PCNA: variants seen among roughly 807,000 people sequenced by gnomAD.
PCNA encodes proliferating cell nuclear antigen, also known as DNA sliding clamp PCNA.
PCNA carries 4 observed loss-of-function variants against 27.8 expected under a neutral mutation model. The observed-to-expected ratio is 0.14, with a 90% CI of 0.07 to 0.33. The LOEUF is 0.33. Ranked by LOEUF, PCNA falls within the 10% of genes least tolerant of loss-of-function variation. The pLI is 1.00. For missense variants in PCNA, 165 were observed against 327.4 expected (o/e 0.50, Z 3.83); for synonymous variants, 121 against 119.4 (o/e 1.01, Z -0.09).
intron 3 of PCNA, 118 bp from the exon 4 acceptor site, chr20:5,117,782 A>G: frequency 3.3e-6 from 2 of 604,192 alleles, no homozygotes; most frequent in Non-Finnish European, 5.8e-6. Context: ...TGATTACTTT[A>G]AAATATGACT....
chr20:5,119,966 C>G (rs2090507488), upstream of PCNA: 1 of 612,738 alleles, frequency 1.6e-6, no homozygotes, highest in African/African-American at 1.8e-5. Flanking sequence ...AATGCCGCCG[C>G]GTCCGCAAGC....
chr20:5,115,227 A>C lies in PCNA; in HGVS notation c.*56T>G. The C allele has an allele frequency of 7.5e-7, 1 of 1,335,946 alleles. No homozygotes were observed. The highest frequency in any genetic ancestry group is 1.1e-6 in the Non-Finnish European group (1 of 931,828). 82.8% of individuals were successfully genotyped at this position (1,335,946 alleles called of 1,614,324 possible). ...AGAAAAGACTTCAGTATATGCTGGC[A>C]TCTTAGAAGCAGTTCTCAAAGAGCT... On this transcript the variant is annotated 3_prime_UTR_variant, in exon 6 of 6. Transcript: ENST00000379143.
upstream of PCNA, chr20:5,121,611 G>C (rs1359861149): frequency 6.6e-6 from 1 of 151,976 alleles, no homozygotes; most frequent in Non-Finnish European, 1.5e-5. Flanking sequence ...GCACAAGCAA[G>C]AAAACTGTCA....
Position 5,119,856 on chromosome 20 carries a change from G to T in PCNA, c.-58C>A. 1 of 1,409,954 alleles carries T rather than the reference G, an allele frequency of 7.1e-7. No individual in the cohort carries two copies. The allele number at this position is 1,409,954 out of a possible 1,614,324, so 87.3% of individuals were successfully genotyped here. ...AGGCGGGAAGGAGGAAAGTCTAGCTGGTTTCGGCTTCAGGAGCCTCAGAGC... is the reference window on the plus strand; with the variant it reads ...AGGCGGGAAGGAGGAAAGTCTAGCTTGTTTCGGCTTCAGGAGCCTCAGAGC... On this transcript the variant is annotated 5_prime_UTR_variant, in exon 1 of 6. Coordinates refer to ENST00000379143, the MANE Select transcript of PCNA (RefSeq NM_182649.2).
At chr20:5,121,785 C>T (rs576693932), upstream of PCNA, among the ~76,000 whole-genome samples, 25 of 151,786 alleles carry the variant, frequency 1.6e-4, no homozygotes, top group Middle Eastern at 3.4e-3. Flanking sequence ...ACCACTGTAC[C>T]TGGCTAATTT....
chr20:5,121,438 T>C (rs1243321881), upstream of PCNA: 2 of 149,292 alleles, frequency 1.3e-5, no homozygotes, highest in Admixed American at 1.3e-4. Flanking sequence ...CATACAAGGT[T>C]CTAAGATGAG....
chr20:5,120,486 T>C (rs1304100773), upstream of PCNA, among the ~76,000 whole-genome samples: 1 of 152,214 alleles, frequency 6.6e-6, no homozygotes, highest in Non-Finnish European at 1.5e-5. Flanking sequence ...CGCCAGCTCT[T>C]ATAATCACTC....
Position 5,118,572 on chromosome 20 carries a change from G to A in PCNA, c.387+38C>T, listed in dbSNP as rs778089296. The stretch of plus-strand genomic sequence containing the variant: ...ATTCTATGACATAACTATCGTGCCT[G>A]TGTACAGCACTCTCTACAATGAGAA... On this transcript the variant is annotated intron_variant, in intron 3 of 5. Transcript: ENST00000379143. 18 of 1,360,746 alleles carry A rather than the reference G, an allele frequency of 1.3e-5. 1 individual carries two copies. The highest frequency in any genetic ancestry group is 1.0e-4 in the Admixed American group (6 of 58,934). The allele number at this position is 1,360,746 out of a possible 1,614,324, so 84.3% of individuals were successfully genotyped here.
upstream of PCNA, among the ~76,000 whole-genome samples, chr20:5,122,835 G>A (rs1236350203): frequency 6.6e-6 from 1 of 152,186 alleles, no homozygotes; most frequent in Non-Finnish European, 1.5e-5. Flanking sequence ...CATTTTAAAT[G>A]ACAAACTCTA....
upstream of PCNA, among the ~76,000 whole-genome samples, chr20:5,124,578 C>T (rs186310342): frequency 1.5e-3 from 227 of 149,918 alleles, 2 homozygotes; most frequent in African/African-American, 5.4e-3. Context: ...TGCAGTGAGC[C>T]GAGATCACAC....
chr20:5,118,784 C>T lies in PCNA; in HGVS notation c.304G>A (p.Val102Ile), dbSNP rs757200275. 2.4e-5 allele frequency: 38 copies of T among 1,613,410 alleles called. No homozygotes were observed. The highest frequency in any genetic ancestry group is 2.3e-4 in the Admixed American group (14 of 60,000). Residue 102 changes from valine to isoleucine, a missense_variant, in exon 2 of 6, where the codon GTA becomes ATA. Val to Ile is a conservative substitution (Grantham distance 29, BLOSUM62 3). Coordinates refer to ENST00000379143, the MANE Select transcript of PCNA (RefSeq NM_182649.2). ...AEDNADTLALVFEAPNQEKVS... is the reference protein window; with the variant it reads ...AEDNADTLALIFEAPNQEKVS... The stretch of plus-strand genomic sequence containing the variant: ...TACGACTTACTTGGTGCTTCAAATA[C>T]TAGCGCCAAGGTATCCGCGTTATCT...
chr20:5,116,977 T>C (rs908835786), intron 4 of PCNA, among the ~76,000 whole-genome samples: 2 of 152,202 alleles, frequency 1.3e-5, no homozygotes, highest in Non-Finnish European at 2.9e-5. Flanking sequence ...AGCCTGTGAC[T>C]TTGGCTAAAT....
upstream of PCNA, among the ~76,000 whole-genome samples, chr20:5,122,278 G>A (rs1050758084): frequency 3.3e-5 from 5 of 151,952 alleles, no homozygotes; most frequent in African/African-American, 4.8e-5. Context: ...CACCGCGCCC[G>A]GGTCTATTTT....
chr20:5,119,865 T>G lies in PCNA; in HGVS notation c.-67A>C, dbSNP rs536952060. The G allele has an allele frequency of 4.6e-4, 600 of 1,302,556 alleles. 8 individuals carry two copies. In the South Asian group the frequency reaches 7.3e-3, roughly 16 times the overall value. The allele number at this position is 1,302,556 out of a possible 1,614,324, so 80.7% of individuals were successfully genotyped here. Reference sequence around the variant, plus strand: ...GGAGGAAAGTCTAGCTGGTTTCGGCTTCAGGAGCCTCAGAGCGAGCGGGCG... The same window carrying G: ...GGAGGAAAGTCTAGCTGGTTTCGGCGTCAGGAGCCTCAGAGCGAGCGGGCG... On this transcript the variant is annotated 5_prime_UTR_variant, in exon 1 of 6. Coordinates refer to ENST00000379143, the MANE Select transcript of PCNA (RefSeq NM_182649.2).
At chr20:5,123,917 A>G (rs2090531135), upstream of PCNA, among the ~76,000 whole-genome samples, 1 of 152,218 alleles carries the variant, frequency 6.6e-6, no homozygotes, top group South Asian at 2.1e-4. Context: ...ATTGGTTAGT[A>G]TAGTTTAGGT....
intron 1 of PCNA, 88 bp downstream of exon 1, chr20:5,119,490 C>G: frequency 9.3e-7 from 1 of 1,070,930 alleles, no homozygotes; most frequent in Non-Finnish European, 1.3e-6. Flanking sequence ...CCCACGCCAG[C>G]CAATGAGGGC....
At chr20:5,123,556 G>A (rs1374163266), upstream of PCNA, among the ~76,000 whole-genome samples, 3 of 151,986 alleles carry the variant, frequency 2.0e-5, no homozygotes, top group African/African-American at 4.8e-5. Flanking sequence ...TTAGCTGGGC[G>A]TGGTGGTGCA....
At chr20:5,124,384 C>T (rs899444140), upstream of PCNA, among the ~76,000 whole-genome samples, 1 of 152,018 alleles carries the variant, frequency 6.6e-6, no homozygotes, top group African/African-American at 2.4e-5. Flanking sequence ...GCCTGTAATC[C>T]CAGCACTTTG....
chr20:5,123,552 G>A (rs1460940435), upstream of PCNA, among the ~76,000 whole-genome samples: 1 of 151,986 alleles, frequency 6.6e-6, no homozygotes, highest in African/African-American at 2.4e-5. Flanking sequence ...AAAATTAGCT[G>A]GGCGTGGTGG....
Sources: allele counts gnomAD v4.1 joint callset (sites outside exome capture counted in the v4.1 genomes callset), GRCh38; gene constraint gnomAD v4.1.1; transcripts MANE v1.5; gene names NCBI Gene and HGNC (gene_info 2026-07-23, HGNC 2026-07-21).